PLPP5: variants seen among roughly 807,000 people sequenced by gnomAD.
PLPP5 encodes phospholipid phosphatase 5.
In PLPP5, 29 loss-of-function variants were observed where a neutral mutation model predicts 23.6. The ratio of observed to expected loss-of-function variants is 1.23; its 90% CI spans 0.92 to 1.68. The LOEUF is 1.68. PLPP5 is among the 40% of genes most tolerant of loss of function. The pLI, the probability that PLPP5 is intolerant of heterozygous loss-of-function variation, is 0.00. For missense variants in PLPP5, 315 were observed against 332.1 expected (o/e 0.95, Z 0.40); for synonymous variants, 143 against 131.3 (o/e 1.09, Z -0.61).
chr8:38,268,167 C>T lies in PLPP5; in HGVS notation c.274+204G>A, dbSNP rs1040515376. Reference sequence around the variant, plus strand: ...AAGACATTTCTGAGGTACAAATAACCCAGTGCATTTAGGCACAGGGCTGCC... The same window carrying T: ...AAGACATTTCTGAGGTACAAATAACTCAGTGCATTTAGGCACAGGGCTGCC... On this transcript the variant is annotated intron_variant, in intron 3 of 6. Coordinates refer to ENST00000424479, the MANE Select transcript of PLPP5 (RefSeq NM_001102559.2). 3 of 1,288,992 alleles carry T rather than the reference C, an allele frequency of 2.3e-6. No homozygotes were observed. In the African/African-American group the frequency reaches 4.5e-5, roughly 19 times the overall value. The allele number at this position is 1,288,992 out of a possible 1,614,324, so 79.8% of individuals were successfully genotyped here.
In PLPP5 at chr8:38,263,173, A is replaced by G. The variant is rs1807161715; in HGVS notation, c.*1271T>C. The G allele has an allele frequency of 6.5e-6, 1 of 155,008 alleles. No homozygotes were observed. The highest frequency in any genetic ancestry group is 2.4e-5 in the African/African-American group (1 of 41,544). 9.6% of individuals were successfully genotyped at this position (155,008 alleles called of 1,614,324 possible). ...TTTACTGAAGGAAAAAGATACATTG[A>G]AAATATAGGAACATACACATAAAAG... is the stretch of plus-strand genomic sequence containing the variant. On this transcript the variant is annotated 3_prime_UTR_variant, in exon 7 of 7. Coordinates refer to ENST00000424479, the MANE Select transcript of PLPP5 (RefSeq NM_001102559.2).
Position 38,265,843 on chromosome 8 carries a change from T to C in PLPP5, c.634+298A>G, listed in dbSNP as rs62503951. ...TTTTTGAACAAAAGTCCTATGACAA[T>C]GAACCTGATTTTTAAGAGAGTAAAT... On this transcript the variant is annotated intron_variant, in intron 6 of 6. Coordinates refer to ENST00000424479, the MANE Select transcript of PLPP5 (RefSeq NM_001102559.2). 0.045 allele frequency among the ~76,000 whole-genome samples: 6,821 copies of C among 152,340 alleles called. 193 individuals are homozygous for C. Among genetic ancestry groups the C allele is most frequent in the South Asian group, 0.093 (447 of 4,828 alleles).
At chr8:38,267,828 C>T (rs965666495) in intron 4 of PLPP5, 69 bp downstream of exon 4, 4 of 1,455,816 alleles carry the variant, frequency 2.7e-6, no homozygotes, top group African/African-American at 1.4e-5. Flanking sequence ...TGGTGGACAC[C>T]ATTAACCTCT....
intron 6 of PLPP5, chr8:38,265,063 T>G: frequency 1.3e-6 from 1 of 761,508 alleles, no homozygotes; most frequent in Non-Finnish European, 2.3e-6. Flanking sequence ...GGTCAGGAGA[T>G]TGAGACCAGC....
Position 38,268,684 on chromosome 8 carries a change from C to T in PLPP5, c.183+198G>A, listed in dbSNP as rs1488182648. 4.2e-6 allele frequency: 6 copies of T among 1,432,750 alleles called. No homozygotes were observed. The African/African-American group carries it at 7.2e-5, about 17-fold the overall frequency. 88.8% of individuals were successfully genotyped at this position (1,432,750 alleles called of 1,614,324 possible). ...CACAGAGCGCCCGGGAAAACGTTGT[C>T]TCAGCCCAAAGAGGCTCGGACACCC... On this transcript the variant is annotated intron_variant, in intron 2 of 6. Transcript: ENST00000424479.
Position 38,263,681 on chromosome 8 carries a change from G to A in PLPP5, c.*763C>T, listed in dbSNP as rs1807211811. 1.0e-6 allele frequency: 1 copy of A among 985,170 alleles called. No homozygotes were observed. The highest frequency in any genetic ancestry group is 1.2e-6 in the Non-Finnish European group (1 of 829,806). The allele number at this position is 985,170 out of a possible 1,614,324, so 61.0% of individuals were successfully genotyped here. Reference sequence around the variant, plus strand: ...TTAAGGCTTGATGGAATTGTCATCAGAGAAGGTAAACAGAATCAAAGTAAT... The same window carrying A: ...TTAAGGCTTGATGGAATTGTCATCAAAGAAGGTAAACAGAATCAAAGTAAT... On this transcript the variant is annotated 3_prime_UTR_variant, in exon 7 of 7. Transcript: ENST00000424479.
At chr8:38,265,839 A>T (rs1807505346) in intron 6 of PLPP5, among the ~76,000 whole-genome samples, 1 of 152,242 alleles carries the variant, frequency 6.6e-6, no homozygotes, top group Admixed American at 6.5e-5. Context: ...AAGTCCTATG[A>T]CAATGAACCT....
At chr8:38,264,996 C>T (rs748888014) in intron 6 of PLPP5, 9 of 1,307,190 alleles carry the variant, frequency 6.9e-6, no homozygotes, top group Admixed American at 5.0e-5. Context: ...TCGCCGGGCA[C>T]GGTGACTCAC....
chr8:38,264,817 A>C (rs1252676106), intron 6 of PLPP5: 1 of 1,560,160 alleles, frequency 6.4e-7, no homozygotes, highest in Admixed American at 2.1e-5. Context: ...CTGAACACCA[A>C]ATCAAAACAC....
At position 38,267,383 on chromosome 8, in the gene PLPP5, G is replaced by C. The variant is rs1208874048; in HGVS notation, c.347C>G (p.Pro116Arg). The C allele has an allele frequency of 6.2e-7, 1 of 1,613,270 alleles. No individual in the cohort carries two copies. Among genetic ancestry groups the C allele is most frequent in the East Asian group, 2.2e-5 (1 of 44,878 alleles). ...AGGGAAGCAGCGGTAGAAGAAATCTGGGCGTGGCCTGGAAGAAAGCAGCAT... is the reference window on the plus strand; with the variant it reads ...AGGGAAGCAGCGGTAGAAGAAATCTCGGCGTGGCCTGGAAGAAAGCAGCAT... ...TIKLIVGRPRPDFFYRCFPDG... is the reference protein window; with the variant it reads ...TIKLIVGRPRRDFFYRCFPDG... The change falls in exon 5 of 7, where the codon CCA (proline) becomes CGA (arginine). Residue 116 changes from proline to arginine, a missense_variant. Coordinates refer to ENST00000424479, the MANE Select transcript of PLPP5 (RefSeq NM_001102559.2).
intron 3 of PLPP5, 168 bp downstream of exon 3, chr8:38,268,203 C>T: frequency 9.2e-7 from 1 of 1,083,470 alleles, no homozygotes; most frequent in Non-Finnish European, 1.3e-6. Context: ...TGCCGTGTAG[C>T]CTGCGTAACC....
Position 38,268,187 on chromosome 8 carries a change from G to A in PLPP5, c.274+184C>T, listed in dbSNP as rs1425696348. 13 of 1,154,498 alleles carry A rather than the reference G, an allele frequency of 1.1e-5. No individual in the cohort carries two copies. In the East Asian group the frequency reaches 1.3e-4, roughly 11 times the overall value. The allele number at this position is 1,154,498 out of a possible 1,614,324, so 71.5% of individuals were successfully genotyped here. On this transcript the variant is annotated intron_variant, in intron 3 of 6. Coordinates refer to ENST00000424479, the MANE Select transcript of PLPP5 (RefSeq NM_001102559.2). ...ATAACCCAGTGCATTTAGGCACAGG[G>A]CTGCCTGCCGTGTAGCCTGCGTAAC...
chr8:38,264,128 T>C lies in PLPP5; in HGVS notation c.*316A>G. On this transcript the variant is annotated 3_prime_UTR_variant, in exon 7 of 7. Coordinates refer to ENST00000424479, the MANE Select transcript of PLPP5 (RefSeq NM_001102559.2). ...GTCCGGTTAGGAGGGCTAGTTCACC[T>C]GTTCTCTATTGAGATAGATTCAATT... 2 of 1,012,314 alleles carry C rather than the reference T, an allele frequency of 2.0e-6. No homozygotes were observed. The highest frequency in any genetic ancestry group is 2.4e-6 in the Non-Finnish European group (2 of 847,606). 62.7% of individuals were successfully genotyped at this position (1,012,314 alleles called of 1,614,324 possible).
chr8:38,264,700 T>C, intron 6 of PLPP5, 96 bp from the exon 7 acceptor site: 1 of 1,437,614 alleles, frequency 7.0e-7, no homozygotes, highest in Non-Finnish European at 9.2e-7. Flanking sequence ...CAGGATACTC[T>C]ACTGTGGGGC....
intron 6 of PLPP5, 156 bp from the exon 7 acceptor site, chr8:38,264,760 T>A: frequency 6.9e-7 from 1 of 1,455,974 alleles, no homozygotes; most frequent in South Asian, 1.5e-5. Context: ...AATCTTTTTA[T>A]TCTCAATTTT....
Position 38,267,330 on chromosome 8 carries a change from A to G in PLPP5, c.400T>C (p.Cys134Arg). Residue 134 changes from cysteine to arginine, a missense_variant, in exon 5 of 7, where the codon TGT (cysteine) becomes CGT (arginine). Cys to Arg is a radical substitution (Grantham distance 180, BLOSUM62 -3). Coordinates refer to ENST00000424479, the MANE Select transcript of PLPP5 (RefSeq NM_001102559.2). ...PDGLAHSDLM[C>R]TGDKDVVNEG... ...TTCACCACGTCCTTATCCCCTGTAC[A>G]CATCAAGTCAGAATGGGCTAGCCCA... 6.2e-7 allele frequency: 1 copy of G among 1,614,038 alleles called. No homozygotes were observed. Among genetic ancestry groups the G allele is most frequent in the African/African-American group, 1.3e-5 (1 of 75,060 alleles).
At chr8:38,266,985 G>T in intron 5 of PLPP5, 1 of 1,266,458 alleles carries the variant, frequency 7.9e-7, no homozygotes, top group Non-Finnish European at 1.0e-6. Context: ...GAAACTCTTC[G>T]TTAAAGGTAT....
At chr8:38,268,625 C>T in intron 2 of PLPP5, 164 bp from the exon 3 acceptor site, 2 of 1,439,358 alleles carry the variant, frequency 1.4e-6, no homozygotes, top group South Asian at 3.0e-5. Flanking sequence ...CAGCAGCGCC[C>T]GTGCGGCTCG....
chr8:38,267,752 G>T (rs761663669), intron 4 of PLPP5, 145 bp downstream of exon 4: 12 of 846,576 alleles, frequency 1.4e-5, no homozygotes, highest in Non-Finnish European at 1.9e-5. Flanking sequence ...GGGGAAGGGA[G>T]TAAGCGTTGA....
Sources: gnomAD v4.1 joint callset for allele counts (sites outside exome capture counted in the v4.1 genomes callset) on GRCh38, gnomAD v4.1.1 for gene constraint, MANE v1.5 for transcripts, NCBI Gene and HGNC (gene_info 2026-07-23, HGNC 2026-07-21) for gene names.